Variants in KIN observed in about 807,000 individuals in gnomAD.
The protein encoded by KIN is Kin17 DNA and RNA binding protein.
KIN carries 47 observed loss-of-function variants against 63.0 expected under a neutral mutation model. The ratio of observed to expected loss-of-function variants is 0.75; its 90% CI spans 0.59 to 0.95. The LOEUF (loss-of-function observed/expected upper bound fraction) is 0.95, where lower values mean the gene tolerates loss of function less well. Among genes scored for constraint, KIN ranks in the 40% least tolerant of loss-of-function variants. KIN has a pLI of 0.00. For missense variants in KIN, 408 were observed against 460.9 expected (o/e 0.89, Z 1.05); for synonymous variants, 160 against 157.7 (o/e 1.01, Z -0.11).
chr10:7,783,049 C>T (rs1419746915), intron 2 of KIN, 32 bp downstream of exon 2: 1 of 1,153,078 alleles, frequency 8.7e-7, no homozygotes, highest in African/African-American at 1.6e-5. Context: ...TGAATAAAGC[C>T]TATAAGATAA....
rs1346623984 is a variant in KIN, at chr10:7,774,873, T to C, written c.626A>G (p.Lys209Arg). 6.2e-7 allele frequency: 1 copy of C among 1,612,942 alleles called. No individual in the cohort carries two copies. Among genetic ancestry groups the C allele is most frequent in the South Asian group, 1.1e-5 (1 of 91,032 alleles). Residue 209 changes from lysine to arginine, a missense_variant, in exon 7 of 13, where the codon AAA (lysine) becomes AGA (arginine). Physicochemically the swap from Lys to Arg is conservative, Grantham distance 26 (BLOSUM62 2). Around this residue, in one of 2 missense-constraint regions of KIN, gnomAD observed 298 missense variants for 296.0 expected, o/e 1.01. Coordinates refer to ENST00000379562, the MANE Select transcript of KIN (RefSeq NM_012311.4). ...DEEKVTFNLSKGACSSSGATS... is the reference protein window; with the variant it reads ...DEEKVTFNLSRGACSSSGATS... ...TGCTCCGGATGAGCTACATGCTCCT[T>C]TACTCAAATTAAACGTGACTAGAAG...
rs759691702 is a variant in KIN, at chr10:7,752,537, C to T, written c.*3543G>A. 1 of 152,208 alleles carries T rather than the reference C, an allele frequency of 6.6e-6. No individual in the cohort carries two copies. The highest frequency in any genetic ancestry group is 1.5e-5 in the Non-Finnish European group (1 of 68,034). 9.4% of individuals were successfully genotyped at this position (152,208 alleles called of 1,614,324 possible). ...TGGTAGTTTCTCAGAAGACTCCTGG[C>T]ATATGATCCAGCAATTGTGCTCTTT... On this transcript the variant is annotated 3_prime_UTR_variant, in exon 13 of 13. Coordinates refer to ENST00000379562, the MANE Select transcript of KIN (RefSeq NM_012311.4).
chr10:7,751,022 G>A lies in KIN; in HGVS notation c.*5058C>T, dbSNP rs1188735659. On this transcript the variant is annotated 3_prime_UTR_variant, in exon 13 of 13. Transcript: ENST00000379562. ...AGTAGTAAATTATGTTCTAACAAAA[G>A]ACCAATGACATTTATAAGGGAGAAT... The A allele has an allele frequency of 6.6e-6, 1 of 152,070 alleles. No homozygotes were observed. The highest frequency in any genetic ancestry group is 1.9e-4 in the East Asian group (1 of 5,196). 9.4% of individuals were successfully genotyped at this position (152,070 alleles called of 1,614,324 possible).
chr10:7,757,542 A>G (rs1835355596), intron 12 of KIN, among the ~76,000 whole-genome samples: 1 of 151,950 alleles, frequency 6.6e-6, no homozygotes, highest in African/African-American at 2.4e-5. Flanking sequence ...AAATAAAATT[A>G]AAATTAAATT....
intron 5 of KIN, among the ~76,000 whole-genome samples, chr10:7,778,164 A>G (rs536571448): frequency 2.0e-5 from 3 of 152,154 alleles, no homozygotes; most frequent in Non-Finnish European, 4.4e-5. Context: ...GGCCAGAGTA[A>G]ACATTGCTTC....
rs1373449154 is a variant in KIN at position 7,753,055 on chromosome 10, G to A, written c.*3025C>T. On this transcript the variant is annotated 3_prime_UTR_variant, in exon 13 of 13. Coordinates refer to ENST00000379562, the MANE Select transcript of KIN (RefSeq NM_012311.4). ...GACTGCTCTAAAAAGTAAAGTCTATGTTTGAAATAAAGAAAAATAGCTTAT... is the reference window on the plus strand; with the variant it reads ...GACTGCTCTAAAAAGTAAAGTCTATATTTGAAATAAAGAAAAATAGCTTAT... 6.6e-6 allele frequency: 1 copy of A among 152,112 alleles called. No individual in the cohort carries two copies. Among genetic ancestry groups the A allele is most frequent in the African/African-American group, 2.4e-5 (1 of 41,420 alleles). 9.4% of individuals were successfully genotyped at this position (152,112 alleles called of 1,614,324 possible).
intron 7 of KIN, among the ~76,000 whole-genome samples, chr10:7,769,753 C>T (rs1331534322): frequency 6.6e-6 from 1 of 152,154 alleles, no homozygotes; most frequent in African/African-American, 2.4e-5. Context: ...AAATCTTCAT[C>T]TATAAACGAA....
At chr10:7,767,402 C>T (rs915305632) in intron 8 of KIN, among the ~76,000 whole-genome samples, 5 of 152,186 alleles carry the variant, frequency 3.3e-5, no homozygotes, top group Non-Finnish European at 7.3e-5. Flanking sequence ...ATGAAAGCTC[C>T]GTGACTAACA....
At chr10:7,766,335 C>CACAA in intron 8 of KIN, 1 of 418,176 alleles carries the variant, frequency 2.4e-6, no homozygotes, top group South Asian at 3.4e-5. Context: ...AGTCAACTGA[C>CACAA]CTAGGAAGCA....
In KIN at chr10:7,752,774, T is replaced by C. The variant is rs1240290250; in HGVS notation, c.*3306A>G. 3 of 152,146 alleles carry C rather than the reference T, an allele frequency of 2.0e-5. No individual in the cohort carries two copies. The highest frequency in any genetic ancestry group is 7.2e-5 in the African/African-American group (3 of 41,398). 9.4% of individuals were successfully genotyped at this position (152,146 alleles called of 1,614,324 possible). ...CCACAAAAACCTAACCAAAACAACATGGAGGAACCTTACATGCATATGTTC... is the reference window on the plus strand; with the variant it reads ...CCACAAAAACCTAACCAAAACAACACGGAGGAACCTTACATGCATATGTTC... On this transcript the variant is annotated 3_prime_UTR_variant, in exon 13 of 13. Transcript: ENST00000379562.
At position 7,755,114 on chromosome 10, in the gene KIN, A is replaced by G. The variant is rs1835309063; in HGVS notation, c.*966T>C. ...AAAACTATAGTTCAACATTGCTGGT[A>G]GGACTGTAAAATGGTATAGCTGCTC... is the stretch of plus-strand genomic sequence containing the variant. On this transcript the variant is annotated 3_prime_UTR_variant, in exon 13 of 13. Coordinates refer to ENST00000379562, the MANE Select transcript of KIN (RefSeq NM_012311.4). 6.6e-6 allele frequency: 1 copy of G among 152,260 alleles called. No homozygotes were observed. Among genetic ancestry groups the G allele is most frequent in the Non-Finnish European group, 1.5e-5 (1 of 68,050 alleles). 9.4% of individuals were successfully genotyped at this position (152,260 alleles called of 1,614,324 possible).
intron 1 of KIN, among the ~76,000 whole-genome samples, chr10:7,786,319 T>C (rs928152476): frequency 6.6e-6 from 1 of 152,248 alleles, no homozygotes; most frequent in Non-Finnish European, 1.5e-5. Flanking sequence ...TATAGAAAAG[T>C]ATCCTGAAAT....
At chr10:7,779,722 T>A (rs1028032946) in intron 4 of KIN, among the ~76,000 whole-genome samples, 7 of 152,226 alleles carry the variant, frequency 4.6e-5, no homozygotes, top group Admixed American at 4.6e-4. Context: ...TACATGCAAG[T>A]GCTACATCAT....
intron 2 of KIN, among the ~76,000 whole-genome samples, chr10:7,780,676 C>T (rs1226088176): frequency 2.0e-5 from 3 of 152,190 alleles, no homozygotes; most frequent in Admixed American, 6.5e-5. Context: ...GCTGGGACTA[C>T]AGGCGTGAGC....
chr10:7,758,035 C>A (rs1396286349), intron 12 of KIN, among the ~76,000 whole-genome samples: 4 of 136,964 alleles, frequency 2.9e-5, no homozygotes, highest in Non-Finnish European at 3.1e-5. Flanking sequence ...TTAATGAGGA[C>A]AGGCTGAAGA....
intron 10 of KIN, among the ~76,000 whole-genome samples, 177 bp from the exon 11 acceptor site, chr10:7,762,733 A>G (rs1288833148): frequency 1.3e-5 from 2 of 152,218 alleles, no homozygotes; most frequent in African/African-American, 2.4e-5. Context: ...ATGGTTCTCA[A>G]TAAAGAACTC....
intron 12 of KIN, among the ~76,000 whole-genome samples, chr10:7,758,518 T>G (rs1170302432): frequency 6.6e-6 from 1 of 152,148 alleles, no homozygotes; most frequent in Non-Finnish European, 1.5e-5. Flanking sequence ...TTTTGATGAA[T>G]GGACACAACC....
At chr10:7,776,345 A>G (rs539630654) in intron 5 of KIN, among the ~76,000 whole-genome samples, 1 of 148,610 alleles carries the variant, frequency 6.7e-6, no homozygotes, top group African/African-American at 2.5e-5. Context: ...ATTCGAGATG[A>G]GCCTGGCCAA....
intron 8 of KIN, among the ~76,000 whole-genome samples, chr10:7,767,514 T>C (rs962373412): frequency 1.3e-5 from 2 of 152,142 alleles, no homozygotes; most frequent in African/African-American, 4.8e-5. Context: ...AACATTATAC[T>C]TGAAGCTTTT....
Sources: gnomAD v4.1 joint callset for allele counts (sites outside exome capture counted in the v4.1 genomes callset) on GRCh38, gnomAD v4.1.1 for gene constraint, gnomAD v4.1.1 regional missense constraint, MANE v1.5 for transcripts, NCBI Gene and HGNC (gene_info 2026-07-23, HGNC 2026-07-21) for gene names.